UGGT2: variants seen among roughly 807,000 people sequenced by gnomAD.
The protein encoded by UGGT2 is UDP-glucose glycoprotein glucosyltransferase 2, also known as UDP-glucose:glycoprotein glucosyltransferase 2.
A neutral mutation model predicts 192.1 loss-of-function variants in UGGT2; 180 were observed. That is an observed-to-expected ratio of 0.94 (90% CI 0.83 to 1.06). The LOEUF is 1.06. UGGT2 is among the 50% of genes least tolerant of loss of function. The probability of loss-of-function intolerance (pLI) is 0.00; values close to 1 mark genes in which losing one functional copy is unlikely to be tolerated. For missense variants in UGGT2, 1,849 were observed against 1,795.7 expected (o/e 1.03, Z -0.54); for synonymous variants, 580 against 591.0 (o/e 0.98, Z 0.27).
At chr13:95,928,114 T>A (rs1027978258) in intron 17 of UGGT2, among the ~76,000 whole-genome samples, 2 of 152,222 alleles carry the variant, frequency 1.3e-5, no homozygotes, top group East Asian at 3.9e-4. Context: ...TTCCCCACAT[T>A]TCCCCCTTTT....
intron 20 of UGGT2, among the ~76,000 whole-genome samples, chr13:95,913,261 T>A (rs1430436866): frequency 6.6e-6 from 1 of 152,026 alleles, no homozygotes; most frequent in Non-Finnish European, 1.5e-5. Flanking sequence ...ACTAAAGAGC[T>A]TCTCCACAGC....
At chr13:95,811,313 A>C (rs1277309662) in intron 38 of UGGT2, among the ~76,000 whole-genome samples, 2 of 152,212 alleles carry the variant, frequency 1.3e-5, no homozygotes, top group African/African-American at 4.8e-5. Flanking sequence ...ATTCATAGGA[A>C]TATATTTTAA....
intron 20 of UGGT2, among the ~76,000 whole-genome samples, chr13:95,916,169 C>T (rs748079217): frequency 6.6e-6 from 1 of 152,128 alleles, no homozygotes; most frequent in East Asian, 1.9e-4. Flanking sequence ...TAGGTCTGTA[C>T]CCCCCTAGGA....
At chr13:95,820,480 T>C (rs775387957) in intron 38 of UGGT2, among the ~76,000 whole-genome samples, 2 of 152,116 alleles carry the variant, frequency 1.3e-5, no homozygotes, top group Non-Finnish European at 1.5e-5. Flanking sequence ...CCTGAAAAAA[T>C]TGCACAAAAG....
chr13:95,977,061 A>G (rs1247751332), intron 10 of UGGT2, among the ~76,000 whole-genome samples: 1 of 152,242 alleles, frequency 6.6e-6, no homozygotes, highest in African/African-American at 2.4e-5. Flanking sequence ...AAGATAGATT[A>G]AAGACTTACA....
At chr13:96,009,360 A>C (rs1354756168) in intron 5 of UGGT2, among the ~76,000 whole-genome samples, 1 of 149,386 alleles carries the variant, frequency 6.7e-6, no homozygotes, top group Non-Finnish European at 1.5e-5. Context: ...ATTAAACTAA[A>C]GAACTTCTGC....
At chr13:95,826,034 G>A (rs947472110) in intron 38 of UGGT2, among the ~76,000 whole-genome samples, 1 of 151,770 alleles carries the variant, frequency 6.6e-6, no homozygotes, top group African/African-American at 2.4e-5. Flanking sequence ...TCGATATTAG[G>A]AAATATATTA....
intron 12 of UGGT2, among the ~76,000 whole-genome samples, chr13:95,962,640 T>G (rs1325356856): frequency 6.6e-6 from 1 of 152,096 alleles, no homozygotes; most frequent in South Asian, 2.1e-4. Context: ...CAAATTCTCC[T>G]CAAATTATTC....
chr13:95,955,309 G>A (rs572622193), intron 12 of UGGT2, among the ~76,000 whole-genome samples: 7 of 152,088 alleles, frequency 4.6e-5, no homozygotes, highest in Non-Finnish European at 7.4e-5. Flanking sequence ...TACAAGTTAC[G>A]TGCACCTGGT....
intron 17 of UGGT2, among the ~76,000 whole-genome samples, chr13:95,927,708 C>T (rs528219752): frequency 3.3e-5 from 5 of 151,418 alleles, no homozygotes; most frequent in Non-Finnish European, 7.4e-5. Flanking sequence ...GGGTGTTTCT[C>T]GGAGAGGGGG....
intron 1 of UGGT2, among the ~76,000 whole-genome samples, chr13:96,038,500 C>T (rs908131933): frequency 2.6e-5 from 4 of 152,116 alleles, no homozygotes; most frequent in Non-Finnish European, 5.9e-5. Context: ...CTAGGGCTAC[C>T]ACACCATTAC....
At chr13:95,891,184 A>G (rs527847616) in intron 24 of UGGT2, among the ~76,000 whole-genome samples, 2 of 152,292 alleles carry the variant, frequency 1.3e-5, no homozygotes, top group Admixed American at 1.3e-4. Context: ...TATGAATGAA[A>G]TGATTTTTTA....
chr13:95,936,878 C>A (rs1443549914), intron 17 of UGGT2, 46 bp downstream of exon 17: 2 of 1,401,916 alleles, frequency 1.4e-6, no homozygotes, highest in South Asian at 1.6e-5. Flanking sequence ...ATAAAAACAT[C>A]ATTTATAAAT....
At chr13:95,985,239 C>A in intron 9 of UGGT2, 1 of 1,210,130 alleles carries the variant, frequency 8.3e-7, no homozygotes, top group Non-Finnish European at 1.1e-6. Flanking sequence ...TTATACACAC[C>A]CATATATATT....
At chr13:95,831,571 A>T (rs1252052671) in intron 38 of UGGT2, among the ~76,000 whole-genome samples, 1 of 152,150 alleles carries the variant, frequency 6.6e-6, no homozygotes, top group Non-Finnish European at 1.5e-5. Context: ...ATGCTATAAT[A>T]AACACCAATA....
chr13:95,953,506 C>T (rs1280280345), intron 12 of UGGT2, among the ~76,000 whole-genome samples: 1 of 152,024 alleles, frequency 6.6e-6, no homozygotes, highest in Non-Finnish European at 1.5e-5. Flanking sequence ...AATTTGAACA[C>T]ATTATTGAGT....
chr13:96,013,135 A>G (rs1187151416), intron 5 of UGGT2, among the ~76,000 whole-genome samples, 172 bp downstream of exon 5: 1 of 152,134 alleles, frequency 6.6e-6, no homozygotes, highest in African/African-American at 2.4e-5. Flanking sequence ...TCATACCCCC[A>G]GAAGAGACAG....
chr13:95,917,854 GCACC>G (rs2048728208), intron 20 of UGGT2, among the ~76,000 whole-genome samples: 1 of 151,968 alleles, frequency 6.6e-6, no homozygotes, highest in Non-Finnish European at 1.5e-5. Context: ...AAATATATAG[GCACC>G]CAATACAGAA....
At chr13:95,870,662 C>T (rs1431389683) in intron 29 of UGGT2, among the ~76,000 whole-genome samples, 4 of 152,148 alleles carry the variant, frequency 2.6e-5, no homozygotes, top group African/African-American at 4.8e-5. Context: ...GAGCTTGCTC[C>T]GCCAGTCCTT....
Sources: gnomAD v4.1 joint callset for allele counts (sites outside exome capture counted in the v4.1 genomes callset) on GRCh38, gnomAD v4.1.1 for gene constraint, MANE v1.5 for transcripts, NCBI Gene and HGNC (gene_info 2026-07-23, HGNC 2026-07-21) for gene names.